Variants in FLVCR2 observed in about 807,000 individuals in gnomAD.
The protein encoded by FLVCR2 is FLVCR choline and putative heme transporter 2.
FLVCR2 carries 38 observed loss-of-function variants against 48.9 expected under a neutral mutation model. The observed-to-expected ratio is 0.78, with a 90% CI of 0.60 to 1.02. FLVCR2 has a LOEUF of 1.02. FLVCR2 is among the 50% of genes least tolerant of loss of function. The pLI, the probability that FLVCR2 is intolerant of heterozygous loss-of-function variation, is 0.00. For missense variants in FLVCR2, 664 were observed against 663.3 expected, an observed-to-expected ratio of 1.00 and a Z score of -0.01; for synonymous variants, 255 against 257.0, an observed-to-expected ratio of 0.99 and a Z score of 0.07.
chr14:75,584,696 C>T (rs1489201640), intron 1 of FLVCR2, among the ~76,000 whole-genome samples: 2 of 152,112 alleles, frequency 1.3e-5, no homozygotes, highest in African/African-American at 2.4e-5. Context: ...CTCGTGAAGC[C>T]GGCAGTTATC....
intron 1 of FLVCR2, among the ~76,000 whole-genome samples, chr14:75,606,946 GA>G (rs935012030): frequency 2.8e-4 from 39 of 137,666 alleles, no homozygotes; most frequent in South Asian, 6.9e-4. Flanking sequence ...CCTGTCTTAA[GA>G]AAAAAAAAAA....
chr14:75,641,848 A>C lies in FLVCR2; in HGVS notation c.1459A>C (p.Ile487Leu). The C allele has an allele frequency of 6.2e-7, 1 of 1,613,876 alleles. No homozygotes were observed. Among genetic ancestry groups the C allele is most frequent in the South Asian group, 1.1e-5 (1 of 91,080 alleles). Residue 487 changes from isoleucine (I) to leucine (L), a missense_variant, in exon 9 of 10, where the codon ATT becomes CTT. Ile to Leu is a conservative substitution (Grantham distance 5, BLOSUM62 2). Coordinates refer to ENST00000238667, the MANE Select transcript of FLVCR2 (RefSeq NM_017791.3). ...LTLGAALTAF[I>L]KADLRRQKAN... Reference sequence around the variant, plus strand: ...TCTCAATCTATCAACCTTAGCATTCATTAAGGCAGATCTCCGGAGACAGAA... The same window carrying C: ...TCTCAATCTATCAACCTTAGCATTCCTTAAGGCAGATCTCCGGAGACAGAA...
intron 1 of FLVCR2, among the ~76,000 whole-genome samples, chr14:75,582,911 ATTAGC>A (rs1888646026): frequency 6.6e-6 from 1 of 152,104 alleles, no homozygotes. Context: ...GGTTTGGGAG[ATTAGC>A]TGGACACGAT....
chr14:75,641,354 C>T (rs113143417), intron 8 of FLVCR2, 61 bp downstream of exon 8: 106 of 1,080,836 alleles, frequency 9.8e-5, no homozygotes, highest in South Asian at 5.7e-4. Flanking sequence ...CCTAGTGTCT[C>T]GATGGAGCAA....
intron 1 of FLVCR2, chr14:75,605,483 T>G: frequency 1.3e-6 from 2 of 1,521,214 alleles, no homozygotes; most frequent in Non-Finnish European, 1.8e-6. Context: ...CTGACTTGAT[T>G]ACAGGCATCT....
intron 3 of FLVCR2, 51 bp from the exon 4 acceptor site, chr14:75,633,578 G>T: frequency 7.0e-7 from 1 of 1,427,780 alleles, no homozygotes. Flanking sequence ...GTTAGCAATG[G>T]CCCCAGAAGA....
intron 3 of FLVCR2, among the ~76,000 whole-genome samples, chr14:75,625,932 C>G (rs533356832): frequency 6.6e-6 from 1 of 152,086 alleles, no homozygotes. Context: ...ACACAACTTT[C>G]AAGTGGCAGA....
At chr14:75,625,328 C>T (rs577104758) in intron 3 of FLVCR2, among the ~76,000 whole-genome samples, 2 of 152,052 alleles carry the variant, frequency 1.3e-5, no homozygotes, top group African/African-American at 4.8e-5. Flanking sequence ...CAACATCCCT[C>T]TTTCATTTCA....
chr14:75,632,975 C>G (rs907322659), intron 3 of FLVCR2: 5 of 702,222 alleles, frequency 7.1e-6, no homozygotes, highest in Non-Finnish European at 1.3e-5. Context: ...CTCAGCTACT[C>G]ACTTGCTGTA....
chr14:75,619,882 G>T (rs1474563510), intron 1 of FLVCR2, among the ~76,000 whole-genome samples: 3 of 152,222 alleles, frequency 2.0e-5, no homozygotes, highest in Admixed American at 2.0e-4. Context: ...TGCCCCAGAG[G>T]AGGAGGGCAT....
intron 1 of FLVCR2, among the ~76,000 whole-genome samples, chr14:75,614,615 G>A (rs532730902): frequency 2.0e-5 from 3 of 152,322 alleles, no homozygotes; most frequent in African/African-American, 7.2e-5. Flanking sequence ...GGATTTATAG[G>A]GATACAGAAG....
chr14:75,636,465 T>C (rs1890169074), intron 5 of FLVCR2, among the ~76,000 whole-genome samples: 1 of 152,152 alleles, frequency 6.6e-6, no homozygotes, highest in Non-Finnish European at 1.5e-5. Context: ...TGACCCTTTT[T>C]CCGGGGCTTG....
At position 75,641,416 on chromosome 14, in the gene FLVCR2, T is replaced by C. The variant is rs1047148807; in HGVS notation, c.1453+123T>C. The C allele has an allele frequency of 3.0e-5, 22 of 729,016 alleles. No individual in the cohort carries two copies. The East Asian group carries it at 5.8e-4, about 19-fold the overall frequency. The allele number at this position is 729,016 out of a possible 1,614,324, so 45.2% of individuals were successfully genotyped here. A position where few individuals can be genotyped will look rare whatever the true frequency, so the allele number is the denominator to read the frequency against. On this transcript the variant is annotated intron_variant, in intron 8 of 9. Transcript: ENST00000238667. ...ACAGATGGAAGGGTTTGTTGGGGAA[T>C]CTGTTGGGAGGCAGCACATTGTTTT...
intron 1 of FLVCR2, among the ~76,000 whole-genome samples, chr14:75,613,855 C>G (rs1889531993): frequency 6.6e-6 from 1 of 152,178 alleles, no homozygotes; most frequent in African/African-American, 2.4e-5. Context: ...CCAGCCTCAA[C>G]ATGAGCTTTA....
intron 1 of FLVCR2, among the ~76,000 whole-genome samples, chr14:75,614,515 G>T (rs1889557945): frequency 6.6e-6 from 1 of 152,190 alleles, no homozygotes; most frequent in African/African-American, 2.4e-5. Context: ...GGCTCTGAAA[G>T]ATTAAAAAGG....
intron 1 of FLVCR2, among the ~76,000 whole-genome samples, chr14:75,615,209 G>A (rs1358101664): frequency 1.3e-5 from 2 of 152,186 alleles, no homozygotes; most frequent in African/African-American, 4.8e-5. Context: ...TGGGAGAAAG[G>A]CAGAAAGGTC....
At position 75,624,666 on chromosome 14, in the gene FLVCR2, C is replaced by T. The variant is rs748748670; in HGVS notation, c.866C>T (p.Ala289Val). ...PPSRAQSLSY[A>V]LTSPDASYLG... ...AGCAGGGCCCAATCCCTGAGCTATGCCTTGACCTCTCCTGATGCCTCATAC... is the reference window on the plus strand; with the variant it reads ...AGCAGGGCCCAATCCCTGAGCTATGTCTTGACCTCTCCTGATGCCTCATAC... The change falls in exon 3 of 10, where the codon GCC becomes GTC. Residue 289 changes from alanine to valine, a missense_variant. Ala to Val is a moderately conservative substitution (Grantham distance 64). Coordinates refer to ENST00000238667, the MANE Select transcript of FLVCR2 (RefSeq NM_017791.3). The T allele has an allele frequency of 2.5e-6, 4 of 1,614,078 alleles. No homozygotes were observed. The highest frequency in any genetic ancestry group is 3.4e-6 in the Non-Finnish European group (4 of 1,180,000).
At chr14:75,642,011 C>A in intron 9 of FLVCR2, 113 bp downstream of exon 9, 1 of 938,934 alleles carries the variant, frequency 1.1e-6, no homozygotes, top group Non-Finnish European at 1.8e-6. Context: ...TTTGTCATAG[C>A]TGGGAGACCA....
At chr14:75,586,235 G>A (rs1053860402) in intron 1 of FLVCR2, among the ~76,000 whole-genome samples, 1 of 151,898 alleles carries the variant, frequency 6.6e-6, no homozygotes, top group Admixed American at 6.5e-5. Flanking sequence ...TGGGTTAGGA[G>A]CAATGTTTTG....
Sources: allele counts gnomAD v4.1 joint callset (sites outside exome capture counted in the v4.1 genomes callset), GRCh38; gene constraint gnomAD v4.1.1; transcripts MANE v1.5; gene names NCBI Gene and HGNC (gene_info 2026-07-23, HGNC 2026-07-21).